Variants in SIPA1L3 observed in about 807,000 individuals in gnomAD.
SIPA1L3 encodes the protein signal induced proliferation associated 1 like 3.
SIPA1L3 carries 59 observed loss-of-function variants against 150.1 expected under a neutral mutation model. The ratio of observed to expected loss-of-function variants is 0.39; its 90% CI spans 0.32 to 0.49. The LOEUF is 0.49. Ranked by LOEUF, SIPA1L3 falls within the 20% of genes least tolerant of loss-of-function variation. The pLI is 0.86. For missense variants in SIPA1L3, 2,211 were observed against 2,489.5 expected (o/e 0.89, Z 2.38); for synonymous variants, 1,070 against 1,077.6 (o/e 0.99, Z 0.14).
chr19:37,926,138 A>G lies in SIPA1L3; in HGVS notation c.-379+18780A>G, dbSNP rs73630996. Among the ~76,000 whole-genome samples the G allele has an allele frequency of 6.5e-3, 902 of 139,578 alleles. 10 individuals are homozygous for G. The highest frequency in any genetic ancestry group is 0.021 in the African/African-American group (852 of 40,992). The allele number at this position is 139,578 out of a possible 152,430, so 91.6% of individuals were successfully genotyped here. The stretch of plus-strand genomic sequence containing the variant: ...TGGCAATTTTATGAGGTTCAGCCTA[A>G]CAGCTTCCTTTCAGGAACATGAGGA... On this transcript the variant is annotated intron_variant, in intron 1 of 21. Transcript: ENST00000222345.
chr19:37,986,019 C>T (rs1157740284), intron 1 of SIPA1L3, among the ~76,000 whole-genome samples: 1 of 152,254 alleles, frequency 6.6e-6, no homozygotes, highest in East Asian at 1.9e-4. Context: ...CCAGATAGAT[C>T]AGCTCAAAGC....
At chr19:38,176,872 G>A (rs1239575668) in intron 15 of SIPA1L3, among the ~76,000 whole-genome samples, 1 of 152,070 alleles carries the variant, frequency 6.6e-6, no homozygotes, top group Non-Finnish European at 1.5e-5. Flanking sequence ...TCGAGAGGCT[G>A]AGGCAGGAGA....
In SIPA1L3 at chr19:38,023,284, G is replaced by A. The variant is rs933458067; in HGVS notation, c.-378-5805G>A. On this transcript the variant is annotated intron_variant, in intron 1 of 21. Coordinates refer to ENST00000222345, the MANE Select transcript of SIPA1L3 (RefSeq NM_015073.3). Reference sequence around the variant, plus strand: ...GGGGGTCAGGGGGTACAGGAAATGAGAAAGAGACCCTCAAAGTCAGTGACC... The same window carrying A: ...GGGGGTCAGGGGGTACAGGAAATGAAAAAGAGACCCTCAAAGTCAGTGACC... Among the ~76,000 whole-genome samples, 45 of 152,188 alleles carry A rather than the reference G, an allele frequency of 3.0e-4. 1 individual carries two copies. Among genetic ancestry groups the A allele is most frequent in the Non-Finnish European group, 1.0e-4 (7 of 68,020 alleles).
chr19:38,159,995 T>A (rs1162394244), intron 13 of SIPA1L3, among the ~76,000 whole-genome samples: 1 of 152,128 alleles, frequency 6.6e-6, no homozygotes, highest in Non-Finnish European at 1.5e-5. Context: ...TTTTTATGTA[T>A]GTCTTTATTT....
chr19:38,014,661 TC>T (rs1355357614), intron 1 of SIPA1L3, among the ~76,000 whole-genome samples: 1 of 103,794 alleles, frequency 9.6e-6, no homozygotes, highest in Non-Finnish European at 1.9e-5. Flanking sequence ...CAAGCGATCC[TC>T]CCCCGGCTAA....
chr19:38,123,278 T>TTG (rs775615193), intron 9 of SIPA1L3, among the ~76,000 whole-genome samples: 2,574 of 151,666 alleles, frequency 0.017, 34 homozygotes, highest in African/African-American at 0.024. Context: ...TTTTTGTTTT[T>TTG]TTTTTAATTG....
At chr19:37,938,356 G>A (rs943046114) in intron 1 of SIPA1L3, among the ~76,000 whole-genome samples, 2 of 152,154 alleles carry the variant, frequency 1.3e-5, no homozygotes, top group Admixed American at 6.5e-5. Context: ...CTGGATTGTA[G>A]GTTGTGATCA....
chr19:38,194,772 C>T (rs752399552), intron 18 of SIPA1L3, among the ~76,000 whole-genome samples: 9 of 152,254 alleles, frequency 5.9e-5, no homozygotes, highest in East Asian at 5.8e-4. Context: ...CCCTGCAGGC[C>T]GGGCGCGGTG....
intron 1 of SIPA1L3, among the ~76,000 whole-genome samples, chr19:37,976,919 C>G (rs763758674): frequency 6.6e-6 from 1 of 152,194 alleles, no homozygotes; most frequent in Non-Finnish European, 1.5e-5. Flanking sequence ...ACTGCAGCCT[C>G]AACCTCTTGG....
chr19:37,913,764 C>T (rs1243475623), intron 1 of SIPA1L3, among the ~76,000 whole-genome samples: 1 of 149,208 alleles, frequency 6.7e-6, no homozygotes, highest in Non-Finnish European at 1.5e-5. Flanking sequence ...CGCCTGTGAT[C>T]ACAGCACTTT....
At chr19:38,105,355 A>C (rs1970599022) in intron 6 of SIPA1L3, among the ~76,000 whole-genome samples, 1 of 149,846 alleles carries the variant, frequency 6.7e-6, no homozygotes, top group South Asian at 2.1e-4. Flanking sequence ...ACAGAGTGAA[A>C]CTCTGTCTCA....
intron 8 of SIPA1L3, among the ~76,000 whole-genome samples, chr19:38,111,698 G>C (rs530861292): frequency 5.6e-4 from 85 of 152,328 alleles, no homozygotes; most frequent in African/African-American, 2.0e-3. Context: ...GCTACTGGGA[G>C]CCAGCACACT....
intron 8 of SIPA1L3, among the ~76,000 whole-genome samples, chr19:38,116,525 CAA>C (rs1197701775): frequency 1.9e-4 from 16 of 83,412 alleles, no homozygotes; most frequent in Non-Finnish European, 1.2e-4. Context: ...GACTCTGTCT[CAA>C]AAAAAAAAAA....
chr19:37,945,163 T>G (rs1312902603), intron 1 of SIPA1L3, among the ~76,000 whole-genome samples: 1 of 152,104 alleles, frequency 6.6e-6, no homozygotes, highest in Admixed American at 6.5e-5. Flanking sequence ...CAAAGTACAT[T>G]GAAATTGCAG....
At chr19:37,959,633 A>G (rs1172061388) in intron 1 of SIPA1L3, among the ~76,000 whole-genome samples, 1 of 152,246 alleles carries the variant, frequency 6.6e-6, no homozygotes, top group Non-Finnish European at 1.5e-5. Context: ...TTTAAAGGGT[A>G]AATTTCATTC....
intron 15 of SIPA1L3, among the ~76,000 whole-genome samples, chr19:38,168,238 T>G (rs1004441425): frequency 6.6e-6 from 1 of 151,798 alleles, no homozygotes; most frequent in African/African-American, 2.4e-5. Context: ...AATACAAAAA[T>G]TAGCCAGGCA....
intron 4 of SIPA1L3, among the ~76,000 whole-genome samples, chr19:38,093,358 A>G (rs1298017445): frequency 6.6e-6 from 1 of 152,018 alleles, no homozygotes; most frequent in Non-Finnish European, 1.5e-5. Context: ...TCCTAGTTTG[A>G]CCACTCAGCA....
At chr19:38,003,574 G>A (rs758118080) in intron 1 of SIPA1L3, among the ~76,000 whole-genome samples, 9 of 152,084 alleles carry the variant, frequency 5.9e-5, no homozygotes, top group Non-Finnish European at 1.3e-4. Flanking sequence ...CCGTGCCACC[G>A]CCAGTTCCCA....
At chr19:38,122,131 G>T (rs949437118) in intron 9 of SIPA1L3, among the ~76,000 whole-genome samples, 1 of 152,016 alleles carries the variant, frequency 6.6e-6, no homozygotes, top group Non-Finnish European at 1.5e-5. Flanking sequence ...CGAGGGAAAA[G>T]AATTGCTTGA....
Sources: gnomAD v4.1 joint callset for allele counts (sites outside exome capture counted in the v4.1 genomes callset) on GRCh38, gnomAD v4.1.1 for gene constraint, MANE v1.5 for transcripts, NCBI Gene and HGNC (gene_info 2026-07-23, HGNC 2026-07-21) for gene names.